STXBP2: variants seen among roughly 807,000 people sequenced by gnomAD.
STXBP2 encodes syntaxin binding protein 2.
A neutral mutation model predicts 72.2 loss-of-function variants in STXBP2; 47 were observed. That is an observed-to-expected ratio of 0.65 (90% CI 0.51 to 0.83). The LOEUF (loss-of-function observed/expected upper bound fraction) is 0.83. Ranked by LOEUF, STXBP2 falls within the 40% of genes least tolerant of loss-of-function variation. The probability of loss-of-function intolerance (pLI) is 0.00; values close to 1 mark genes in which losing one functional copy is unlikely to be tolerated. For missense variants in STXBP2, 702 were observed against 807.6 expected, an observed-to-expected ratio of 0.87 and a Z score of 1.58; for synonymous variants, 367 against 338.7, an observed-to-expected ratio of 1.08 and a Z score of -0.92.
chr19:7,644,733 C>G lies in STXBP2; in HGVS notation c.1227C>G (p.Leu409=). ...PAYDKIRVLL[L]YILLRNGVSE... ...ACGACAAGATCCGGGTCCTGCTGCT[C>G]TACATCCTCCTTCGGAATGGTGGGT... The change falls in exon 14 of 19, where the codon CTC becomes CTG. Residue 409 remains leucine, a synonymous_variant. Transcript: ENST00000221283. 1.2e-6 allele frequency: 2 copies of G among 1,613,712 alleles called. No homozygotes were observed. The highest frequency in any genetic ancestry group is 1.7e-6 in the Non-Finnish European group (2 of 1,179,840).
At chr19:7,640,396 G>A (rs757872170) in intron 4 of STXBP2, 10 of 592,152 alleles carry the variant, frequency 1.7e-5, no homozygotes, top group South Asian at 1.6e-4. Flanking sequence ...GTCTGCATGT[G>A]TGTATATGTG....
chr19:7,631,608 C>T, the STXBP2 span: 1 of 1,482,966 alleles, frequency 6.7e-7, no homozygotes, highest in Non-Finnish European at 8.9e-7. Flanking sequence ...TACATATACT[C>T]AGTTCCTTGT....
Position 7,639,111 on chromosome 19 carries a change from G to T in STXBP2, c.169+11G>T, listed in dbSNP as rs756350869. ...CTGAGGGCATCACCAGTGAGTGAAC[G>T]CGTCCCCAGTGAGATGGGACCTGAG... On this transcript the variant is annotated intron_variant, in intron 3 of 18. Transcript: ENST00000221283. 1.2e-6 allele frequency: 2 copies of T among 1,613,920 alleles called. No individual in the cohort carries two copies. Among genetic ancestry groups the T allele is most frequent in the South Asian group, 1.1e-5 (1 of 91,046 alleles).
At chr19:7,633,296 A>AG (rs1304992075), upstream of STXBP2, 1 of 1,116,148 alleles carries the variant, frequency 9.0e-7, no homozygotes, top group Non-Finnish European at 1.3e-6. Context: ...CAACTGGGTC[A>AG]GGGGGTCCTA....
intron 1 of STXBP2, among the ~76,000 whole-genome samples, chr19:7,638,238 T>C (rs1014536259): frequency 3.3e-5 from 5 of 152,362 alleles, no homozygotes; most frequent in Admixed American, 1.3e-4. Flanking sequence ...AGTTACATGT[T>C]GCCTAAGAAT....
chr19:7,639,864 G>GTGCA (rs751929545), intron 4 of STXBP2, 57 bp downstream of exon 4: 1 of 1,553,010 alleles, frequency 6.4e-7, no homozygotes, highest in African/African-American at 1.4e-5. Flanking sequence ...ATGTGCATGT[G>GTGCA]TGTGTATGTC....
chr19:7,631,945 A>G (rs140968677), upstream of STXBP2: 6,943 of 891,466 alleles, frequency 7.8e-3, 287 homozygotes, highest in Admixed American at 0.12. Flanking sequence ...TACCCTCAAT[A>G]TCTGCCATTT....
upstream of STXBP2, chr19:7,636,907 T>C (rs1288160514): frequency 5.1e-6 from 2 of 392,278 alleles, no homozygotes; most frequent in Admixed American, 4.5e-5. Flanking sequence ...CTCCCATCTG[T>C]GAGCGTGTCG....
Position 7,647,444 on chromosome 19 carries a change from C to A in STXBP2, c.1629C>A (p.Ala543=). The A allele has an allele frequency of 6.2e-7, 1 of 1,613,376 alleles. No homozygotes were observed. Among genetic ancestry groups the A allele is most frequent in the Non-Finnish European group, 8.5e-7 (1 of 1,179,852 alleles). Residue 543 remains alanine (A), a synonymous_variant, in exon 18 of 19, where the codon GCC becomes GCA. Coordinates refer to ENST00000221283, the MANE Select transcript of STXBP2 (RefSeq NM_006949.4). ...TCGTGTATGTCATGGGCGGTGTGGC[C>A]ATGTCAGAGATGAGGGCCGCCTACG... ...RLIVYVMGGV[A]MSEMRAAYEV...
At chr19:7,644,520 C>T in intron 13 of STXBP2, 94 bp from the exon 14 acceptor site, 1 of 1,566,036 alleles carries the variant, frequency 6.4e-7, no homozygotes, top group South Asian at 1.1e-5. Flanking sequence ...CAAATGTCCT[C>T]TTGCCGAGGA....
chr19:7,639,844 A>G, intron 4 of STXBP2, 37 bp downstream of exon 4: 5 of 1,599,730 alleles, frequency 3.1e-6, no homozygotes, highest in Admixed American at 1.7e-5. Context: ...ATGCGCGTGC[A>G]TGCGTGTACA....
intron 4 of STXBP2, chr19:7,640,288 G>A (rs1406504964): frequency 3.6e-6 from 2 of 562,366 alleles, no homozygotes; most frequent in African/African-American, 3.7e-5. Context: ...GTGCATCTGT[G>A]TGCATGTGTC....
intron 1 of STXBP2, 46 bp downstream of exon 1, chr19:7,637,232 G>T (rs1329479487): frequency 1.6e-6 from 2 of 1,235,864 alleles, no homozygotes; most frequent in Non-Finnish European, 1.0e-6. Flanking sequence ...GTGTGGGACG[G>T]GGGTCGGGGA....
intron 1 of STXBP2, among the ~76,000 whole-genome samples, chr19:7,637,609 G>A (rs571629293): frequency 1.3e-5 from 2 of 152,280 alleles, no homozygotes; most frequent in South Asian, 2.1e-4. Flanking sequence ...CTCAGGGGAC[G>A]TGTCCAGGCC....
the STXBP2 span, chr19:7,630,298 T>C: frequency 9.6e-6 from 5 of 522,266 alleles, no homozygotes; most frequent in African/African-American, 1.9e-5. Flanking sequence ...CTCGAGGAGA[T>C]GCTTTTGATT....
Position 7,647,410 on chromosome 19 carries a change from C to G in STXBP2, c.1595C>G (p.Pro532Arg). ...NKAGIEARAG[P>R]RLIVYVMGGV... is the part of the protein sequence containing the mutation. ...GCTGGCATAGAAGCCCGGGCGGGCCCCCGGCTCATCGTGTATGTCATGGGC... is the reference window on the plus strand; with the variant it reads ...GCTGGCATAGAAGCCCGGGCGGGCCGCCGGCTCATCGTGTATGTCATGGGC... Residue 532 changes from proline to arginine, a missense_variant, in exon 18 of 19, where the codon CCC (proline) becomes CGC (arginine). Transcript: ENST00000221283. 1 of 1,613,566 alleles carries G rather than the reference C, an allele frequency of 6.2e-7. No homozygotes were observed. The highest frequency in any genetic ancestry group is 8.5e-7 in the Non-Finnish European group (1 of 1,179,960).
At chr19:7,633,495 C>T (rs567614801), upstream of STXBP2, 7 of 1,556,440 alleles carry the variant, frequency 4.5e-6, no homozygotes, top group South Asian at 1.2e-5. Context: ...TGGCCTCTGC[C>T]CCGGCCCAGT....
At chr19:7,645,464 G>A (rs930895840) in intron 15 of STXBP2, 158 bp downstream of exon 15, 3 of 666,356 alleles carry the variant, frequency 4.5e-6, no homozygotes, top group Non-Finnish European at 7.8e-6. Flanking sequence ...CTGGTCTGGG[G>A]CCCAGAGGAC....
the STXBP2 span, chr19:7,631,272 C>T: frequency 4.2e-6 from 6 of 1,414,042 alleles, no homozygotes; most frequent in African/African-American, 1.4e-5. Flanking sequence ...AGATGGTTTC[C>T]TTATTGCCTT....
Sources: allele counts gnomAD v4.1 joint callset (sites outside exome capture counted in the v4.1 genomes callset), GRCh38; gene constraint gnomAD v4.1.1; transcripts MANE v1.5; gene names NCBI Gene and HGNC (gene_info 2026-07-23, HGNC 2026-07-21).